ATG7: variants seen among roughly 807,000 people sequenced by gnomAD.
ATG7 encodes ubiquitin-like modifier-activating enzyme ATG7.
A neutral mutation model predicts 82.4 loss-of-function variants in ATG7; 70 were observed. The ratio of observed to expected loss-of-function variants is 0.85; its 90% confidence interval spans 0.70 to 1.04. The LOEUF (loss-of-function observed/expected upper bound fraction) is 1.04, where lower values mean the gene tolerates loss of function less well. Among genes scored for constraint, ATG7 ranks in the 50% least tolerant of loss-of-function variants. ATG7 has a pLI of 0.00. For synonymous variants in ATG7, 287 were observed against 313.0 expected (o/e 0.92, Z 0.88); for missense variants, 792 against 864.3 (o/e 0.92, Z 1.05).
At chr3:11,393,363 A>G (rs1046915126) in intron 19 of ATG7, among the ~76,000 whole-genome samples, 1 of 141,996 alleles carries the variant, frequency 7.0e-6, no homozygotes, top group African/African-American at 2.5e-5. Flanking sequence ...ACTCCTGATT[A>G]GGGTACCTCA....
chr3:11,521,889 G>A (rs1011061265), intron 20 of ATG7, among the ~76,000 whole-genome samples: 6 of 152,120 alleles, frequency 3.9e-5, no homozygotes, highest in Non-Finnish European at 7.3e-5. Flanking sequence ...TTCCTGACAT[G>A]GAATGACTCT....
intron 20 of ATG7, among the ~76,000 whole-genome samples, chr3:11,458,554 C>T (rs1277189766): frequency 6.6e-6 from 1 of 152,206 alleles, no homozygotes; most frequent in African/African-American, 2.4e-5. Flanking sequence ...TGAGCCACTG[C>T]GCCTGGCCTA....
At chr3:11,471,745 C>CTTTTTTTTTTTTT (rs200590021) in intron 20 of ATG7, among the ~76,000 whole-genome samples, 2 of 105,708 alleles carry the variant, frequency 1.9e-5, no homozygotes, top group Non-Finnish European at 3.5e-5. Context: ...TTTTAGATTT[C>CTTTTTTTTTTTTT]TTTTTTTTTT....
chr3:11,392,264 A>G (rs2078873203), intron 19 of ATG7, among the ~76,000 whole-genome samples: 1 of 152,140 alleles, frequency 6.6e-6, no homozygotes, highest in Non-Finnish European at 1.5e-5. Context: ...AAGTATTTTA[A>G]GAAACATTTG....
chr3:11,507,518 T>TG (rs749110670), intron 20 of ATG7, among the ~76,000 whole-genome samples: 9 of 152,220 alleles, frequency 5.9e-5, no homozygotes, highest in Non-Finnish European at 1.0e-4. Context: ...TCCATAAGTA[T>TG]AATGTGATAT....
chr3:11,402,713 A>T (rs1416883902), intron 19 of ATG7, among the ~76,000 whole-genome samples: 1 of 152,246 alleles, frequency 6.6e-6, no homozygotes, highest in Non-Finnish European at 1.5e-5. Context: ...CTGCTGAGAG[A>T]CTGAATGAGG....
At chr3:11,489,899 A>G (rs1165871529) in intron 20 of ATG7, among the ~76,000 whole-genome samples, 1 of 152,060 alleles carries the variant, frequency 6.6e-6, no homozygotes, top group East Asian at 1.9e-4. Context: ...ACTTCCAAGT[A>G]TGTGGTCAAT....
At chr3:11,518,114 T>G (rs777388706) in intron 20 of ATG7, among the ~76,000 whole-genome samples, 2 of 152,052 alleles carry the variant, frequency 1.3e-5, no homozygotes, top group Non-Finnish European at 2.9e-5. Context: ...TGGGGTCTAG[T>G]TTAGATGGGT....
intron 13 of ATG7, among the ~76,000 whole-genome samples, chr3:11,342,754 G>C (rs1335948168): frequency 1.3e-5 from 2 of 151,474 alleles, no homozygotes; most frequent in African/African-American, 2.4e-5. Flanking sequence ...ATCAATTTCA[G>C]ATTACTTTCT....
chr3:11,504,641 T>C (rs759826032), intron 20 of ATG7, among the ~76,000 whole-genome samples: 1 of 152,228 alleles, frequency 6.6e-6, no homozygotes, highest in East Asian at 1.9e-4. Flanking sequence ...TCTGAACATA[T>C]ATTTAGGAGG....
intron 3 of ATG7, 85 bp from the exon 4 acceptor site, chr3:11,298,601 A>C: frequency 7.4e-7 from 1 of 1,358,430 alleles, no homozygotes; most frequent in Non-Finnish European, 1.0e-6. Context: ...TGTTTGTTTG[A>C]ATTAAACTTT....
the ATG7 span, among the ~76,000 whole-genome samples, chr3:11,570,380 G>C: frequency 1.3e-5 from 2 of 152,154 alleles, no homozygotes; most frequent in East Asian, 3.9e-4. Flanking sequence ...GGCCACCAAG[G>C]TCTGTCCCCG....
chr3:11,572,125 ATC>A, the ATG7 span, among the ~76,000 whole-genome samples: 1 of 152,088 alleles, frequency 6.6e-6, no homozygotes. Flanking sequence ...AAGTTGGGGA[ATC>A]TCTGAGTAAG....
At chr3:11,293,699 A>G (rs1376576734) in intron 3 of ATG7, among the ~76,000 whole-genome samples, 4 of 149,592 alleles carry the variant, frequency 2.7e-5, no homozygotes, top group African/African-American at 4.9e-5. Flanking sequence ...AATACAAAAC[A>G]TTAGGGCCAG....
chr3:11,286,643 T>C (rs1295107101), intron 3 of ATG7, among the ~76,000 whole-genome samples: 1 of 135,438 alleles, frequency 7.4e-6, no homozygotes, highest in Non-Finnish European at 1.5e-5. Context: ...TGGGCTGGAG[T>C]GCAGTGGTGC....
chr3:11,339,304 A>AG (rs1189969574), intron 11 of ATG7, among the ~76,000 whole-genome samples: 1 of 145,552 alleles, frequency 6.9e-6, no homozygotes, highest in African/African-American at 2.5e-5. Flanking sequence ...TCAAAAAAAA[A>AG]AAAAAAAAAG....
chr3:11,414,934 TAC>T (rs1298500577), intron 19 of ATG7, among the ~76,000 whole-genome samples: 2 of 152,252 alleles, frequency 1.3e-5, no homozygotes, highest in African/African-American at 2.4e-5. Context: ...TCTTTTTATA[TAC>T]AGTCATGTGT....
intron 9 of ATG7, among the ~76,000 whole-genome samples, chr3:11,318,808 ATCTC>A (rs1271780627): frequency 6.6e-6 from 1 of 152,070 alleles, no homozygotes; most frequent in Non-Finnish European, 1.5e-5. Flanking sequence ...GCCTGCAGAC[ATCTC>A]TCTGTCTCCC....
chr3:11,364,394 T>C (rs2076464103), intron 17 of ATG7, among the ~76,000 whole-genome samples: 1 of 152,214 alleles, frequency 6.6e-6, no homozygotes, highest in African/African-American at 2.4e-5. Flanking sequence ...TCATTCCTAC[T>C]TTATAGATGA....
Sources: gnomAD v4.1 joint callset for allele counts (sites outside exome capture counted in the v4.1 genomes callset) on GRCh38, gnomAD v4.1.1 for gene constraint, MANE v1.5 for transcripts, NCBI Gene and HGNC (gene_info 2026-07-23, HGNC 2026-07-21) for gene names.